Variants in SATB2 observed in about 807,000 individuals in gnomAD.
SATB2 encodes DNA-binding protein SATB2.
In SATB2, 1 loss-of-function variant was observed where a neutral mutation model predicts 73.4. The ratio of observed to expected loss-of-function variants is 0.01; its 90% CI spans 0.00 to 0.06. SATB2 has a LOEUF of 0.06. Ranked by LOEUF, SATB2 falls within the 10% of genes least tolerant of loss-of-function variation. The pLI is 1.00. For missense variants in SATB2, 459 were observed against 945.8 expected (o/e 0.49, Z 6.75); for synonymous variants, 397 against 367.0 (o/e 1.08, Z -0.93).
At chr2:199,293,601 A>ATG (rs1434906080) in intron 10 of SATB2, among the ~76,000 whole-genome samples, 1 of 152,112 alleles carries the variant, frequency 6.6e-6, no homozygotes, top group Non-Finnish European at 1.5e-5. Context: ...GGAAAATACT[A>ATG]TGTGTGTGTC....
At chr2:199,421,353 C>T (rs368983916) in intron 3 of SATB2, among the ~76,000 whole-genome samples, 3 of 152,154 alleles carry the variant, frequency 2.0e-5, no homozygotes, top group African/African-American at 7.2e-5. Context: ...GATTACAACC[C>T]ATCACTCCAG....
chr2:199,333,043 T>G (rs1322564430), intron 7 of SATB2, among the ~76,000 whole-genome samples: 1 of 152,040 alleles, frequency 6.6e-6, no homozygotes, highest in Admixed American at 6.6e-5. Flanking sequence ...TCTCAGACCA[T>G]AGGTAACTCC....
At chr2:199,453,566 TA>T (rs1233898908) in intron 2 of SATB2, among the ~76,000 whole-genome samples, 1 of 152,034 alleles carries the variant, frequency 6.6e-6, no homozygotes, top group African/African-American at 2.4e-5. Flanking sequence ...ACTAGAAATG[TA>T]TTTTAAACAT....
In SATB2 at chr2:199,311,208, C is replaced by T. The variant is rs564260609; in HGVS notation, c.1543-2251G>A. Among the ~76,000 whole-genome samples, 5 of 152,278 alleles carry T rather than the reference C, an allele frequency of 3.3e-5. No individual in the cohort carries two copies. In the South Asian group the frequency reaches 1.0e-3, roughly 32 times the overall value. ...CTGTTCTTAAGGCACCAGAGAACTT[C>T]CTCAAATCCCTGATGGAGCTGAGCT... is the stretch of plus-strand genomic sequence containing the variant. On this transcript the variant is annotated intron_variant, in intron 9 of 10. Coordinates refer to ENST00000417098, the MANE Select transcript of SATB2 (RefSeq NM_001172509.2).
intron 5 of SATB2, among the ~76,000 whole-genome samples, chr2:199,369,785 A>G (rs1175096422): frequency 6.6e-6 from 1 of 152,188 alleles, no homozygotes; most frequent in Non-Finnish European, 1.5e-5. Flanking sequence ...ACAGGAGGTT[A>G]AAATGCCAGC....
At chr2:199,354,040 C>A (rs1259466156) in intron 6 of SATB2, among the ~76,000 whole-genome samples, 2 of 152,160 alleles carry the variant, frequency 1.3e-5, no homozygotes, top group Non-Finnish European at 2.9e-5. Flanking sequence ...AGGCAACACG[C>A]TTACTTATTA....
intron 2 of SATB2, among the ~76,000 whole-genome samples, chr2:199,444,923 C>T (rs555796863): frequency 1.5e-4 from 23 of 152,222 alleles, no homozygotes; most frequent in Admixed American, 3.9e-4. Flanking sequence ...GAGAGGCTGG[C>T]GGCGAGAAAG....
chr2:199,428,761 G>A (rs1250338008), intron 3 of SATB2, among the ~76,000 whole-genome samples: 1 of 152,188 alleles, frequency 6.6e-6, no homozygotes, highest in African/African-American at 2.4e-5. Context: ...CCTGGGTATA[G>A]TGGCTCACAC....
intron 10 of SATB2, among the ~76,000 whole-genome samples, chr2:199,305,893 G>GT (rs1219321805): frequency 6.6e-6 from 1 of 152,058 alleles, no homozygotes; most frequent in Non-Finnish European, 1.5e-5. Context: ...GGACTTACGT[G>GT]TTTTTTAATA....
rs34311963 is a variant in SATB2, at chr2:199,433,474, G to A, written c.210C>T (p.Asp70=). The A allele has an allele frequency of 2.2e-4, 357 of 1,614,090 alleles. 1 individual carries two copies. The highest frequency in any genetic ancestry group is 1.6e-3 in the African/African-American group (118 of 75,018). The change falls in exon 3 of 11, where the codon GAC becomes GAT. Residue 70 remains aspartate (D), a synonymous_variant. Coordinates refer to ENST00000417098, the MANE Select transcript of SATB2 (RefSeq NM_001172509.2). ...CTCTGTTGTCATATTCAAGAGAGCC[G>A]TCCAACTGCTCCACGACACAAAAGA... The part of the protein sequence containing the change: ...IPVFCVVEQL[D]GSLEYDNREE...
chr2:199,407,694 A>C (rs552880473), intron 3 of SATB2, among the ~76,000 whole-genome samples: 1 of 152,302 alleles, frequency 6.6e-6, no homozygotes, highest in South Asian at 2.1e-4. Flanking sequence ...AGAAGTTTCA[A>C]ACTGGAAATG....
rs758616151 is a variant in SATB2, at chr2:199,323,789, T to A, written c.1542+14A>T. 3 of 1,613,308 alleles carry A rather than the reference T, an allele frequency of 1.9e-6. No individual in the cohort carries two copies. Among genetic ancestry groups the A allele is most frequent in the South Asian group, 1.1e-5 (1 of 91,072 alleles). On this transcript the variant is annotated intron_variant, in intron 9 of 10. Transcript: ENST00000417098. ...ATTCCAGCCCTCGATTTTGCTTTTTTAAAAACCACTCACCTGACTTTTATT... is the reference window on the plus strand; with the variant it reads ...ATTCCAGCCCTCGATTTTGCTTTTTAAAAAACCACTCACCTGACTTTTATT...
At chr2:199,367,145 T>C (rs1325499494) in intron 6 of SATB2, among the ~76,000 whole-genome samples, 3 of 152,178 alleles carry the variant, frequency 2.0e-5, no homozygotes, top group Non-Finnish European at 4.4e-5. Flanking sequence ...ACAATCCTAT[T>C]TTAAAAGAAA....
intron 3 of SATB2, among the ~76,000 whole-genome samples, chr2:199,394,862 ACCATCAACTTC>A (rs1486107349): frequency 6.6e-6 from 1 of 152,072 alleles, no homozygotes; most frequent in East Asian, 1.9e-4. Context: ...CTAATATATC[ACCATCAACTTC>A]CCACCTCTAA....
At chr2:199,362,088 A>C (rs1574547284) in intron 6 of SATB2, among the ~76,000 whole-genome samples, 1 of 152,064 alleles carries the variant, frequency 6.6e-6, no homozygotes, top group Non-Finnish European at 1.5e-5. Flanking sequence ...CCCTATATCC[A>C]GCTAGTTCTA....
intron 6 of SATB2, among the ~76,000 whole-genome samples, chr2:199,363,493 G>C (rs1689197747): frequency 6.6e-6 from 1 of 152,180 alleles, no homozygotes; most frequent in Admixed American, 6.5e-5. Flanking sequence ...GAGGCTGGGA[G>C]GTGGGAGCAG....
chr2:199,387,756 T>C (rs761203854), intron 3 of SATB2, among the ~76,000 whole-genome samples: 1 of 152,226 alleles, frequency 6.6e-6, no homozygotes, highest in Non-Finnish European at 1.5e-5. Flanking sequence ...ATGTGTAATG[T>C]GTACAGACCA....
At position 199,401,507 on chromosome 2, in the gene SATB2, G is replaced by A. The variant is rs565013641; in HGVS notation, c.347-19687C>T. Among the ~76,000 whole-genome samples the A allele has an allele frequency of 1.2e-4, 18 of 151,078 alleles. No homozygotes were observed. The South Asian group carries it at 1.7e-3, about 14-fold the overall frequency. Reference sequence around the variant, plus strand: ...GGCGGAGGTTGCAGTGAGCTGAGACGGCACCACTGCACTCCGAGCAAGACT... The same window carrying A: ...GGCGGAGGTTGCAGTGAGCTGAGACAGCACCACTGCACTCCGAGCAAGACT... On this transcript the variant is annotated intron_variant, in intron 3 of 10. Transcript: ENST00000417098.
intron 2 of SATB2, among the ~76,000 whole-genome samples, chr2:199,436,484 C>T (rs932325766): frequency 6.6e-6 from 1 of 151,190 alleles, no homozygotes; most frequent in Non-Finnish European, 1.5e-5. Flanking sequence ...TAAAACAGTA[C>T]TAACCAGGAA....
Sources: allele counts gnomAD v4.1 joint callset (sites outside exome capture counted in the v4.1 genomes callset), GRCh38; gene constraint gnomAD v4.1.1; transcripts MANE v1.5; gene names NCBI Gene and HGNC (gene_info 2026-07-23, HGNC 2026-07-21).